Variants in ARRDC1 observed in about 807,000 individuals in gnomAD.
The protein encoded by ARRDC1 is arrestin domain containing 1.
A neutral mutation model predicts 40.1 loss-of-function variants in ARRDC1; 37 were observed. The observed-to-expected ratio is 0.92, with a 90% CI of 0.71 to 1.21. ARRDC1 has a LOEUF of 1.21. ARRDC1 is among the 50% of genes most tolerant of loss of function. The pLI, the probability that ARRDC1 is intolerant of heterozygous loss-of-function variation, is 0.00. For synonymous variants in ARRDC1, 310 were observed against 262.5 expected, an observed-to-expected ratio of 1.18 and a Z score of -1.75; for missense variants, 641 against 581.9, an observed-to-expected ratio of 1.10 and a Z score of -1.04.
intron 1 of ARRDC1, among the ~76,000 whole-genome samples, chr9:137,610,710 T>C (rs1421384136): frequency 6.6e-6 from 1 of 152,226 alleles, no homozygotes; most frequent in African/African-American, 2.4e-5. Flanking sequence ...ATTACAGGCA[T>C]GTGCCACCAT....
chr9:137,612,822 A>G, intron 1 of ARRDC1, 74 bp from the exon 2 acceptor site: 1 of 1,237,320 alleles, frequency 8.1e-7, no homozygotes, highest in Non-Finnish European at 1.2e-6. Context: ...CCCCAGGTCG[A>G]ATTCCTGTGC....
Position 137,615,077 on chromosome 9 carries a change from C to G in ARRDC1, c.1241C>G (p.Ala414Gly). The G allele has an allele frequency of 6.3e-7, 1 of 1,598,252 alleles. No homozygotes were observed. Among genetic ancestry groups the G allele is most frequent in the South Asian group, 1.1e-5 (1 of 88,984 alleles). ...EYSSWGYPYE[A>G]PPSYEQSCGG... ...AGACCCTGCTTTCTTCCCGCAGAGG[C>G]CCCACCGTCTTATGAGCAGAGCTGC... Residue 414 changes from alanine (A) to glycine (G), a missense_variant, in exon 8 of 8, where the codon GCC (alanine) becomes GGC (glycine). Physicochemically the swap from Ala to Gly is moderately conservative, Grantham distance 60. Coordinates refer to ENST00000371421, the MANE Select transcript of ARRDC1 (RefSeq NM_152285.4).
rs1421071548 is a variant in ARRDC1 at position 137,614,442 on chromosome 9, C to T, written c.762C>T (p.Gly254=). ...VPALPQSALP[G]CSLIHIDYYL... ...CCTTGCCCCAGTCGGCCCTGCCGGGCTGCAGCCTCATCCACATCGACTACT... is the reference window on the plus strand; with the variant it reads ...CCTTGCCCCAGTCGGCCCTGCCGGGTTGCAGCCTCATCCACATCGACTACT... The change falls in exon 6 of 8, where the codon GGC becomes GGT. Residue 254 remains glycine (G), a synonymous_variant. Coordinates refer to ENST00000371421, the MANE Select transcript of ARRDC1 (RefSeq NM_152285.4). 3 of 1,613,278 alleles carry T rather than the reference C, an allele frequency of 1.9e-6. No individual in the cohort carries two copies. Among genetic ancestry groups the T allele is most frequent in the African/African-American group, 2.7e-5 (2 of 74,944 alleles).
chr9:137,608,305 G>C (rs1026924205), intron 1 of ARRDC1, among the ~76,000 whole-genome samples: 11 of 152,242 alleles, frequency 7.2e-5, no homozygotes, highest in African/African-American at 2.2e-4. Flanking sequence ...AAACCTGCAT[G>C]GGGGAGGAGG....
intron 1 of ARRDC1, among the ~76,000 whole-genome samples, chr9:137,610,788 C>T (rs1425664386): frequency 6.6e-6 from 1 of 152,234 alleles, no homozygotes; most frequent in East Asian, 1.9e-4. Flanking sequence ...GTCTGGAACT[C>T]CTGACCTCAG....
intron 1 of ARRDC1, 81 bp downstream of exon 1, chr9:137,605,916 C>G: frequency 1.1e-6 from 1 of 905,720 alleles, no homozygotes; most frequent in Non-Finnish European, 1.4e-6. Context: ...CGTCGCCTGG[C>G]CCCGGGTTGG....
intron 1 of ARRDC1, among the ~76,000 whole-genome samples, chr9:137,609,542 T>C (rs931161662): frequency 1.4e-5 from 2 of 147,392 alleles, no homozygotes; most frequent in African/African-American, 5.1e-5. Context: ...CCCCAAGACA[T>C]TGATTTTATT....
Position 137,614,993 on chromosome 9 carries a change from C to T in ARRDC1, c.1230C>T (p.Tyr410=). 1 of 1,613,382 alleles carries T rather than the reference C, an allele frequency of 6.2e-7. No homozygotes were observed. Among genetic ancestry groups the T allele is most frequent in the Non-Finnish European group, 8.5e-7 (1 of 1,179,736 alleles). ...CTCCAGAGTACAGTTCTTGGGGCTA[C>T]CCCTATGGTGAGTCGACAGCCAGGG... The part of the protein sequence containing the change: ...ILPPEYSSWG[Y]PYEAPPSYEQ... Residue 410 remains tyrosine, a synonymous_variant, in exon 7 of 8, where the codon TAC becomes TAT. Coordinates refer to ENST00000371421, the MANE Select transcript of ARRDC1 (RefSeq NM_152285.4).
In ARRDC1 at chr9:137,613,491, C is replaced by T. The variant is rs773228777; in HGVS notation, c.261C>T (p.Pro87=). ...GSLPAGEHSF[P]FQFLLPATAP... ...TGCCCGCTGGAGAGCACAGCTTCCC[C>T]TTCCAGTTCCTGCTTCCTGGTGAGA... is the stretch of plus-strand genomic sequence containing the variant. Residue 87 remains proline, a synonymous_variant, in exon 3 of 8, where the codon CCC becomes CCT. Coordinates refer to ENST00000371421, the MANE Select transcript of ARRDC1 (RefSeq NM_152285.4). The T allele has an allele frequency of 1.9e-6, 3 of 1,613,300 alleles. No individual in the cohort carries two copies. Among genetic ancestry groups the T allele is most frequent in the Admixed American group, 1.7e-5 (1 of 59,954 alleles).
At chr9:137,613,995 C>A (rs767614207) in intron 4 of ARRDC1, 37 bp from the exon 5 acceptor site, 1 of 1,609,108 alleles carries the variant, frequency 6.2e-7, no homozygotes, top group African/African-American at 1.3e-5. Context: ...CCAGCCTGCG[C>A]ACACCTGCTA....
At position 137,613,001 on chromosome 9, in the gene ARRDC1, A is replaced by G; in HGVS notation, c.224A>G (p.Asp75Gly). The change falls in exon 2 of 8, where the codon GAC becomes GGC. Residue 75 changes from aspartate to glycine, a missense_variant. Asp to Gly is a moderately conservative substitution (Grantham distance 94). Coordinates refer to ENST00000371421, the MANE Select transcript of ARRDC1 (RefSeq NM_152285.4). Reference protein sequence around the residue: ...GYFNSSLSLADKGSLPAGEHS... With the variant: ...GYFNSSLSLAGKGSLPAGEHS... ...TTCAACAGTTCCCTGTCGCTGGCAG[A>G]CAAGGGTAAGTTTGGGAGCCAGTTC... The G allele has an allele frequency of 1.2e-6, 2 of 1,613,236 alleles. No individual in the cohort carries two copies. Among genetic ancestry groups the G allele is most frequent in the Non-Finnish European group, 1.7e-6 (2 of 1,179,348 alleles).
intron 1 of ARRDC1, among the ~76,000 whole-genome samples, chr9:137,606,514 G>A (rs916344709): frequency 6.6e-6 from 1 of 152,232 alleles, no homozygotes; most frequent in Non-Finnish European, 1.5e-5. Context: ...TGGACTTGCC[G>A]CTGGACCTTG....
At position 137,614,308 on chromosome 9, in the gene ARRDC1, T is replaced by A. The variant is rs200811759; in HGVS notation, c.628T>A (p.Tyr210Asn). The change falls in exon 6 of 8, where the codon TAT (tyrosine) becomes AAT (asparagine). Residue 210 changes from tyrosine (Y) to asparagine (N), a missense_variant. By Grantham distance (143) the Tyr-to-Asn change is moderately radical. Transcript: ENST00000371421. ...GCTGGTCCTTCCCCAGAAAGTGTCC[T>A]ATAAGGCCAAGCGCTGGATCCACGA... ...VVASLLQKVS[Y>N]KAKRWIHDVR... 3 of 1,598,638 alleles carry A rather than the reference T, an allele frequency of 1.9e-6. No homozygotes were observed. Among genetic ancestry groups the A allele is most frequent in the African/African-American group, 2.7e-5 (2 of 74,748 alleles).
At chr9:137,613,060 TG>T (rs764963670) in intron 2 of ARRDC1, 54 bp downstream of exon 2, 7 of 1,356,430 alleles carry the variant, frequency 5.2e-6, no homozygotes, top group Non-Finnish European at 7.3e-6. Context: ...GCCCTTGGAG[TG>T]GGGCCTGTCT....
At position 137,607,325 on chromosome 9, in the gene ARRDC1, T is replaced by C. The variant is rs541514239; in HGVS notation, c.118+1490T>C. On this transcript the variant is annotated intron_variant, in intron 1 of 7. Coordinates refer to ENST00000371421, the MANE Select transcript of ARRDC1 (RefSeq NM_152285.4). ...GCTTGTCAATCCTGCTAGGAGCCAG[T>C]AGGGAGGCCCTCAGCCCCCAGGAGG... 9.9e-5 allele frequency among the ~76,000 whole-genome samples: 15 copies of C among 152,264 alleles called. No individual in the cohort carries two copies. The East Asian group carries it at 2.7e-3, about 27-fold the overall frequency.
At position 137,611,579 on chromosome 9, in the gene ARRDC1, ACAAC is replaced by A. The variant is rs1258498189; in HGVS notation, c.119-1316_119-1313del. 849 of 146,274 alleles carry A rather than the reference ACAAC, an allele frequency of 5.8e-3. 10 individuals are homozygous for A. Among genetic ancestry groups the A allele is most frequent in the African/African-American group, 0.02 (754 of 38,430 alleles). The allele number at this position is 146,274 out of a possible 1,614,324, so 9.1% of individuals were successfully genotyped here. A position where few individuals can be genotyped will look rare whatever the true frequency, so the allele number is the denominator to read the frequency against. ...TGTCTCAAAAACAACAACAACAACA[ACAAC>A]AACAAAAAAACAAAAAATGGACCGA... On this transcript the variant is annotated intron_variant, in intron 1 of 7. Transcript: ENST00000371421.
In ARRDC1 at chr9:137,613,758, C is replaced by T. The variant is rs781684334; in HGVS notation, c.424C>T (p.Pro142Ser). The change falls in exon 4 of 8, where the codon CCA becomes TCA. Residue 142 changes from proline to serine, a missense_variant. Physicochemically the swap from Pro to Ser is moderately conservative, Grantham distance 74 (BLOSUM62 -1). Transcript: ENST00000371421. ...ILSPLNLNSI[P>S]DIEQPNVASA... ...GAGCCCCTTGAACCTGAACAGCATC[C>T]CAGACATTGAGGTGAGGATGGCACA... 2 of 1,614,166 alleles carry T rather than the reference C, an allele frequency of 1.2e-6. No homozygotes were observed. The highest frequency in any genetic ancestry group is 2.2e-5 in the East Asian group (1 of 44,890).
chr9:137,610,106 C>G (rs966746606), intron 1 of ARRDC1, among the ~76,000 whole-genome samples: 2 of 152,186 alleles, frequency 1.3e-5, no homozygotes, highest in Non-Finnish European at 2.9e-5. Flanking sequence ...AGCCACTGCG[C>G]CCGGCCGGGT....
intron 1 of ARRDC1, among the ~76,000 whole-genome samples, chr9:137,608,140 A>C (rs1029606149): frequency 2.0e-5 from 3 of 151,560 alleles, no homozygotes; most frequent in East Asian, 1.9e-4. Flanking sequence ...CCGCCACCAC[A>C]CCCGGCTAAT....
Sources: gnomAD v4.1 joint callset for allele counts (sites outside exome capture counted in the v4.1 genomes callset) on GRCh38, gnomAD v4.1.1 for gene constraint, MANE v1.5 for transcripts, NCBI Gene and HGNC (gene_info 2026-07-23, HGNC 2026-07-21) for gene names.